TMEM132D: variants seen among roughly 807,000 people sequenced by gnomAD.
The protein encoded by TMEM132D is mature OL transmembrane protein.
Under a neutral mutation model 62.3 loss-of-function variants are expected in TMEM132D, and 21 were observed. That is an observed-to-expected ratio of 0.34 (90% CI 0.24 to 0.49). TMEM132D has a LOEUF of 0.49. Among genes scored for constraint, TMEM132D ranks in the 20% least tolerant of loss-of-function variants. The pLI, the probability that TMEM132D is intolerant of heterozygous loss-of-function variation, is 0.99. For missense variants in TMEM132D, 1,346 were observed against 1,402.8 expected, an observed-to-expected ratio of 0.96 and a Z score of 0.65; for synonymous variants, 621 against 575.6, an observed-to-expected ratio of 1.08 and a Z score of -1.13.
At chr12:129,231,623 C>G (rs1468700622) in intron 4 of TMEM132D, among the ~76,000 whole-genome samples, 1 of 152,242 alleles carries the variant, frequency 6.6e-6, no homozygotes, top group East Asian at 1.9e-4. Context: ...CAGAAGCATC[C>G]TAACTGACAT....
intron 4 of TMEM132D, among the ~76,000 whole-genome samples, chr12:129,279,892 T>C (rs1281518277): frequency 6.6e-6 from 1 of 152,218 alleles, no homozygotes; most frequent in Non-Finnish European, 1.5e-5. Context: ...AAGTTAAGTA[T>C]GTTAATGTGG....
At position 129,579,756 on chromosome 12, in the gene TMEM132D, TC is replaced by T. The variant is rs542726745; in HGVS notation, c.969-48552del. 2.2e-4 allele frequency among the ~76,000 whole-genome samples: 33 copies of T among 152,302 alleles called. No individual in the cohort carries two copies. The South Asian group carries it at 6.6e-3, about 31-fold the overall frequency. On this transcript the variant is annotated intron_variant, in intron 2 of 8. Coordinates refer to ENST00000422113, the MANE Select transcript of TMEM132D (RefSeq NM_133448.3). ...TTAATGGTGGGTCTTCCTCTCCCAG[TC>T]CACTGACTCAAATATCAATCTCCTC...
intron 2 of TMEM132D, among the ~76,000 whole-genome samples, chr12:129,576,849 G>C (rs988550968): frequency 6.6e-6 from 1 of 151,838 alleles, no homozygotes; most frequent in African/African-American, 2.4e-5. Context: ...AAAAGAGAAC[G>C]CTCGGAAAAT....
At chr12:129,794,860 C>T (rs779681284) in intron 1 of TMEM132D, among the ~76,000 whole-genome samples, 39 of 152,094 alleles carry the variant, frequency 2.6e-4, no homozygotes, top group Non-Finnish European at 5.3e-4. Context: ...TGCTAAGTAA[C>T]GATTTCCTCC....
intron 3 of TMEM132D, among the ~76,000 whole-genome samples, chr12:129,524,099 G>C (rs1018900474): frequency 3.5e-4 from 53 of 152,092 alleles, no homozygotes; most frequent in African/African-American, 1.2e-3. Context: ...GGGGAGTGGG[G>C]AGGGATAGCA....
intron 1 of TMEM132D, among the ~76,000 whole-genome samples, chr12:129,713,433 T>G (rs1264174970): frequency 6.6e-6 from 1 of 151,966 alleles, no homozygotes; most frequent in East Asian, 1.9e-4. Context: ...AATTGCAAGA[T>G]TACCTCAAGT....
chr12:129,736,921 G>A (rs1049769070), intron 1 of TMEM132D, among the ~76,000 whole-genome samples: 1 of 150,970 alleles, frequency 6.6e-6, no homozygotes, highest in African/African-American at 2.4e-5. Flanking sequence ...GGGCTCAAGC[G>A]ATTCTCCTGC....
chr12:129,551,378 C>T (rs1448834380), intron 2 of TMEM132D, among the ~76,000 whole-genome samples: 2 of 152,202 alleles, frequency 1.3e-5, no homozygotes. Context: ...TGCACAGAGG[C>T]CAGGCTGGGC....
At chr12:129,423,440 G>C (rs1239077726) in intron 3 of TMEM132D, among the ~76,000 whole-genome samples, 2 of 152,136 alleles carry the variant, frequency 1.3e-5, no homozygotes, top group African/African-American at 4.8e-5. Flanking sequence ...CTGGGGATCT[G>C]GTTCTTCTAG....
At chr12:129,447,018 A>G (rs1161294495) in intron 3 of TMEM132D, among the ~76,000 whole-genome samples, 5 of 152,204 alleles carry the variant, frequency 3.3e-5, no homozygotes, top group African/African-American at 1.2e-4. Context: ...GCTAATCTGC[A>G]GTGTAGAGAA....
chr12:129,193,460 T>G (rs1878466558), intron 5 of TMEM132D, among the ~76,000 whole-genome samples: 1 of 152,218 alleles, frequency 6.6e-6, no homozygotes, highest in South Asian at 2.1e-4. Context: ...CAATTTGGGC[T>G]GCTGCCACCA....
At chr12:129,209,429 C>T (rs921385018) in intron 5 of TMEM132D, 91 bp downstream of exon 5, 4 of 1,520,446 alleles carry the variant, frequency 2.6e-6, no homozygotes, top group Non-Finnish European at 3.6e-6. Context: ...ACCCAGAGGT[C>T]CCAGAGGTCC....
chr12:129,778,464 C>T (rs1444698905), intron 1 of TMEM132D, among the ~76,000 whole-genome samples: 3 of 152,116 alleles, frequency 2.0e-5, no homozygotes. Flanking sequence ...GCCGTTCTTT[C>T]CAGCTGTTTG....
intron 1 of TMEM132D, among the ~76,000 whole-genome samples, chr12:129,727,445 C>A (rs1869077184): frequency 6.6e-6 from 1 of 152,176 alleles, no homozygotes; most frequent in Admixed American, 6.5e-5. Flanking sequence ...GAAGGCAGAG[C>A]CCTCATGATC....
At chr12:129,881,065 AAT>A (rs1299034385) in intron 1 of TMEM132D, among the ~76,000 whole-genome samples, 1 of 152,092 alleles carries the variant, frequency 6.6e-6, no homozygotes, top group African/African-American at 2.4e-5. Flanking sequence ...TTATATTAAT[AAT>A]ATAAGAAAAA....
intron 5 of TMEM132D, among the ~76,000 whole-genome samples, chr12:129,193,335 T>C (rs1234045219): frequency 9.3e-6 from 1 of 107,096 alleles, no homozygotes; most frequent in Non-Finnish European, 2.0e-5. Flanking sequence ...CATAGCAATG[T>C]TTTTTTTTTG....
intron 1 of TMEM132D, among the ~76,000 whole-genome samples, chr12:129,795,643 A>G (rs1003953408): frequency 6.6e-6 from 1 of 152,166 alleles, no homozygotes; most frequent in Non-Finnish European, 1.5e-5. Flanking sequence ...AATGTGGGGA[A>G]AGTGTCAGTC....
At chr12:129,148,436 A>T (rs1483926279) in intron 5 of TMEM132D, among the ~76,000 whole-genome samples, 1 of 152,122 alleles carries the variant, frequency 6.6e-6, no homozygotes, top group Non-Finnish European at 1.5e-5. Flanking sequence ...AGGAGGCAGG[A>T]GGTCAGAGAA....
intron 3 of TMEM132D, among the ~76,000 whole-genome samples, chr12:129,524,950 G>A (rs1164648420): frequency 6.6e-5 from 7 of 105,854 alleles, no homozygotes; most frequent in Admixed American, 3.5e-4. Flanking sequence ...TTTTTGAGAC[G>A]GAGTCTCGCT....
Sources: gnomAD v4.1 joint callset for allele counts (sites outside exome capture counted in the v4.1 genomes callset) on GRCh38, gnomAD v4.1.1 for gene constraint, MANE v1.5 for transcripts, NCBI Gene and HGNC (gene_info 2026-07-23, HGNC 2026-07-21) for gene names.